The following MARCHF6 variants were observed in gnomAD, a reference collection of about 807,000 sequenced individuals.
The protein encoded by MARCHF6 is E3 ubiquitin-protein ligase MARCHF6.
A neutral mutation model predicts 133.7 loss-of-function variants in MARCHF6; 31 were observed. The observed-to-expected ratio is 0.23, with a 90% confidence interval of 0.17 to 0.31. The LOEUF (loss-of-function observed/expected upper bound fraction) is 0.31. Among genes scored for constraint, MARCHF6 ranks in the 10% least tolerant of loss-of-function variants. The probability of loss-of-function intolerance (pLI) is 1.00; values close to 1 mark genes in which losing one functional copy is unlikely to be tolerated. For missense variants in MARCHF6, 723 were observed against 1,121.6 expected, an observed-to-expected ratio of 0.64 and a Z score of 5.08; for synonymous variants, 395 against 402.5, an observed-to-expected ratio of 0.98 and a Z score of 0.22.
At chr5:10,379,134 C>T (rs1736973942) in intron 3 of MARCHF6, among the ~76,000 whole-genome samples, 1 of 151,924 alleles carries the variant, frequency 6.6e-6, no homozygotes, top group South Asian at 2.1e-4. Context: ...AAAAATCTAA[C>T]AAGTCCACAT....
chr5:10,427,684 C>G (rs998496630), intron 24 of MARCHF6, among the ~76,000 whole-genome samples: 1 of 152,188 alleles, frequency 6.6e-6, no homozygotes, highest in Non-Finnish European at 1.5e-5. Context: ...TGTTACCTTA[C>G]TAGGTCAAGA....
intron 22 of MARCHF6, among the ~76,000 whole-genome samples, chr5:10,418,240 C>T (rs1167396785): frequency 2.0e-5 from 3 of 151,830 alleles, no homozygotes; most frequent in Non-Finnish European, 2.9e-5. Flanking sequence ...ATTAGCCAAG[C>T]GTGGTGGTGT....
At chr5:10,393,380 C>T (rs910110593) in intron 7 of MARCHF6, among the ~76,000 whole-genome samples, 2 of 152,168 alleles carry the variant, frequency 1.3e-5, no homozygotes, top group East Asian at 3.9e-4. Flanking sequence ...CAGCCTAGAC[C>T]TATTTTGAAT....
In MARCHF6 at chr5:10,353,846, C is replaced by A; in HGVS notation, c.-53C>A. ...CTCCTCCTCTCCCCTCCCTCTTTCC[C>A]CGCCCGGCCGCGGGAGCCTCGTGGC... is the stretch of plus-strand genomic sequence containing the variant. On this transcript the variant is annotated 5_prime_UTR_variant, in exon 1 of 26. Transcript: ENST00000274140. 6.5e-7 allele frequency: 1 copy of A among 1,534,822 alleles called. No individual in the cohort carries two copies.
intron 10 of MARCHF6, 27 bp from the exon 11 acceptor site, chr5:10,400,757 T>G: frequency 1.3e-6 from 2 of 1,566,070 alleles, no homozygotes; most frequent in Non-Finnish European, 1.8e-6. Flanking sequence ...TGTCGGAGTT[T>G]TCATGGAATT....
intron 17 of MARCHF6, among the ~76,000 whole-genome samples, chr5:10,407,565 G>A (rs1322455331): frequency 6.6e-6 from 1 of 152,132 alleles, no homozygotes; most frequent in African/African-American, 2.4e-5. Flanking sequence ...ATTTTGAAAA[G>A]CACATTATAA....
chr5:10,410,409 C>G, intron 18 of MARCHF6, 133 bp downstream of exon 18: 1 of 1,048,316 alleles, frequency 9.5e-7, no homozygotes. Context: ...GTAATATTTG[C>G]AATTGCATAT....
chr5:10,414,563 G>A (rs1221936566), intron 20 of MARCHF6, 61 bp downstream of exon 20: 2 of 1,347,928 alleles, frequency 1.5e-6, no homozygotes, highest in Non-Finnish European at 2.1e-6. Context: ...TTAGCTATTT[G>A]ACAGAGTCTT....
At chr5:10,376,639 A>G (rs1304245614) in intron 1 of MARCHF6, among the ~76,000 whole-genome samples, 2 of 152,202 alleles carry the variant, frequency 1.3e-5, no homozygotes, top group African/African-American at 4.8e-5. Flanking sequence ...TTGAGCAGTT[A>G]GGCTCTGGAT....
chr5:10,423,618 C>T (rs1344014026), intron 22 of MARCHF6, 117 bp from the exon 23 acceptor site: 7 of 548,942 alleles, frequency 1.3e-5, no homozygotes, highest in Non-Finnish European at 1.8e-5. Context: ...AAATTGTTGC[C>T]AATCCTATAG....
intron 1 of MARCHF6, 65 bp downstream of exon 1, chr5:10,353,982 T>C (rs1735268464): frequency 6.8e-7 from 1 of 1,481,144 alleles, no homozygotes; most frequent in African/African-American, 1.5e-5. Flanking sequence ...CCCGGCCAGG[T>C]CCGCGGCGCT....
intron 15 of MARCHF6, among the ~76,000 whole-genome samples, chr5:10,404,076 T>TTTAC (rs1412105881): frequency 0.029 from 3,993 of 136,210 alleles, 109 homozygotes; most frequent in Non-Finnish European, 0.043. Flanking sequence ...TATTTATTTA[T>TTTAC]TTACTTATTT....
chr5:10,423,823 A>G lies in MARCHF6; in HGVS notation c.2372A>G (p.Gln791Arg). 1 of 1,607,052 alleles carries G rather than the reference A, an allele frequency of 6.2e-7. No homozygotes were observed. The highest frequency in any genetic ancestry group is 8.5e-7 in the Non-Finnish European group (1 of 1,175,014). Residue 791 changes from glutamine (Q) to arginine (R), a missense_variant and splice_region_variant, in exon 23 of 26, where the codon CAG becomes CGG. Gln to Arg is a conservative substitution (Grantham distance 43, BLOSUM62 1). This residue lies in a region of MARCHF6 where 492 missense variants were observed against 699.5 expected (regional missense o/e 0.70). Transcript: ENST00000274140. ...PQWWLKTVIE[Q>R]VYANGIRNID... is the part of the protein sequence containing the mutation. The stretch of plus-strand genomic sequence containing the variant: ...TGGTGGTTGAAAACTGTAATTGAAC[A>G]GGTAAGCAAAATCAGTTTTCAGAGA...
rs35378319 is a variant in MARCHF6 at position 10,391,436 on chromosome 5, GTT to G, written c.577-79_577-78del. The G allele has an allele frequency of 3.7e-3, 1,145 of 305,602 alleles. 1 individual carries two copies. Among genetic ancestry groups the G allele is most frequent in the East Asian group, 8.9e-3 (65 of 7,334 alleles). The allele number at this position is 305,602 out of a possible 1,614,324, so 18.9% of individuals were successfully genotyped here. A position where few individuals can be genotyped will look rare whatever the true frequency, so the allele number is the denominator to read the frequency against. Reference sequence around the variant, plus strand: ...GCATGAGCCACTACACCTGGCCTAGGTTTTTTTTTTTTTTTTTTTTTTTTTTT... The same window carrying G: ...GCATGAGCCACTACACCTGGCCTAGGTTTTTTTTTTTTTTTTTTTTTTTTT... On this transcript the variant is annotated intron_variant, in intron 6 of 25. Coordinates refer to ENST00000274140, the MANE Select transcript of MARCHF6 (RefSeq NM_005885.4).
chr5:10,388,904 A>G lies in MARCHF6; in HGVS notation c.408-1428A>G, dbSNP rs540719276. 3.9e-5 allele frequency among the ~76,000 whole-genome samples: 6 copies of G among 152,362 alleles called. No homozygotes were observed. The South Asian group carries it at 1.2e-3, about 32-fold the overall frequency. Reference sequence around the variant, plus strand: ...ACAAACAGTTAGGATTATTGCTGATAGCAAGGAAGATGTAAAGGGGATATT... The same window carrying G: ...ACAAACAGTTAGGATTATTGCTGATGGCAAGGAAGATGTAAAGGGGATATT... On this transcript the variant is annotated intron_variant, in intron 5 of 25. Coordinates refer to ENST00000274140, the MANE Select transcript of MARCHF6 (RefSeq NM_005885.4).
chr5:10,414,515 G>C lies in MARCHF6; in HGVS notation c.1966+13G>C, dbSNP rs763179266. 6.2e-7 allele frequency: 1 copy of C among 1,601,026 alleles called. No homozygotes were observed. Among genetic ancestry groups the C allele is most frequent in the Admixed American group, 1.7e-5 (1 of 59,744 alleles). On this transcript the variant is annotated intron_variant, in intron 20 of 25. Coordinates refer to ENST00000274140, the MANE Select transcript of MARCHF6 (RefSeq NM_005885.4). Reference sequence around the variant, plus strand: ...CTTACTTTACCAGGTATGAGCTTGTGCTAGCCTTCAGCTAATAGCATCATT... The same window carrying C: ...CTTACTTTACCAGGTATGAGCTTGTCCTAGCCTTCAGCTAATAGCATCATT...
chr5:10,387,625 G>C (rs929607736), intron 5 of MARCHF6, among the ~76,000 whole-genome samples: 9 of 152,032 alleles, frequency 5.9e-5, no homozygotes, highest in Non-Finnish European at 1.2e-4. Flanking sequence ...TAAATAGGCT[G>C]TCACGCAGTT....
intron 3 of MARCHF6, 121 bp from the exon 4 acceptor site, chr5:10,381,679 A>G (rs1737155070): frequency 2.8e-6 from 2 of 726,146 alleles, no homozygotes; most frequent in Non-Finnish European, 4.3e-6. Flanking sequence ...TTTTTTTTAA[A>G]TAGGAAAAAA....
At chr5:10,386,027 A>AT (rs781162216) in intron 4 of MARCHF6, among the ~76,000 whole-genome samples, 1,686 of 142,976 alleles carry the variant, frequency 0.012, 15 homozygotes, top group Non-Finnish European at 0.016. Flanking sequence ...GTGCTGTCTT[A>AT]TTTTTTTTTT....
Sources: gnomAD v4.1 joint callset for allele counts (sites outside exome capture counted in the v4.1 genomes callset) on GRCh38, gnomAD v4.1.1 for gene constraint, gnomAD v4.1.1 regional missense constraint, MANE v1.5 for transcripts, NCBI Gene and HGNC (gene_info 2026-07-23, HGNC 2026-07-21) for gene names.